SAMD12: variants seen among roughly 807,000 people sequenced by gnomAD.
The protein encoded by SAMD12 is sterile alpha motif domain containing 12.
In SAMD12, 9 loss-of-function variants were observed where a neutral mutation model predicts 15.0. The ratio of observed to expected loss-of-function variants is 0.60; its 90% confidence interval spans 0.36 to 1.05. The LOEUF is 1.05. SAMD12 is among the 50% of genes least tolerant of loss of function. The probability of loss-of-function intolerance (pLI) is 0.01; values close to 1 mark genes in which losing one functional copy is unlikely to be tolerated. For missense variants in SAMD12, 230 were observed against 234.2 expected (o/e 0.98, Z 0.12); for synonymous variants, 86 against 90.1 (o/e 0.96, Z 0.25).
chr8:118,572,393 G>C (rs1389830177), intron 2 of SAMD12, among the ~76,000 whole-genome samples: 2 of 152,170 alleles, frequency 1.3e-5, no homozygotes, highest in Non-Finnish European at 2.9e-5. Flanking sequence ...TGTTGGGAAG[G>C]CATGATTGGT....
chr8:118,440,688 ACACACACAAAC>A (rs1563861820), intron 2 of SAMD12, among the ~76,000 whole-genome samples: 17 of 147,510 alleles, frequency 1.2e-4, no homozygotes, highest in African/African-American at 3.6e-4. Flanking sequence ...ACACACACAC[ACACACACAAAC>A]ACACACACAC....
intron 1 of SAMD12, among the ~76,000 whole-genome samples, chr8:118,605,211 T>C (rs982632827): frequency 6.6e-6 from 1 of 152,214 alleles, no homozygotes; most frequent in Admixed American, 6.5e-5. Context: ...GGATGATACC[T>C]TTTCAAACTT....
intron 4 of SAMD12, among the ~76,000 whole-genome samples, chr8:118,332,751 G>C (rs567505265): frequency 2.7e-4 from 41 of 152,204 alleles, no homozygotes; most frequent in Admixed American, 5.2e-4. Flanking sequence ...TCTCTACTTC[G>C]GTCTTAGCCC....
chr8:118,428,722 C>T (rs992857129), intron 3 of SAMD12, among the ~76,000 whole-genome samples: 14 of 151,822 alleles, frequency 9.2e-5, no homozygotes, highest in Non-Finnish European at 1.6e-4. Context: ...TGCTTTGGTA[C>T]AATTTTTGAA....
intron 3 of SAMD12, among the ~76,000 whole-genome samples, chr8:118,399,336 TG>T (rs1820755776): frequency 6.6e-6 from 1 of 152,102 alleles, no homozygotes; most frequent in Non-Finnish European, 1.5e-5. Flanking sequence ...TTCTAATGAT[TG>T]GTATGGACTT....
At chr8:118,498,240 G>T (rs1824683049) in intron 2 of SAMD12, among the ~76,000 whole-genome samples, 2 of 152,164 alleles carry the variant, frequency 1.3e-5, no homozygotes, top group African/African-American at 4.8e-5. Flanking sequence ...CACAGGAACA[G>T]TCTCAGCTTA....
intron 2 of SAMD12, among the ~76,000 whole-genome samples, chr8:118,453,379 T>A (rs913628694): frequency 6.6e-6 from 1 of 152,224 alleles, no homozygotes; most frequent in African/African-American, 2.4e-5. Context: ...CAGTGTCATA[T>A]CCACTAACAA....
chr8:118,186,427 G>T (rs192073342), downstream of SAMD12, among the ~76,000 whole-genome samples: 1 of 152,124 alleles, frequency 6.6e-6, no homozygotes, highest in Admixed American at 6.6e-5. Context: ...TTGGCACACA[G>T]GACAAATGGC....
At chr8:118,279,935 C>A (rs11562784) in intron 4 of SAMD12, among the ~76,000 whole-genome samples, 9 of 152,140 alleles carry the variant, frequency 5.9e-5, no homozygotes, top group Non-Finnish European at 1.2e-4. Flanking sequence ...AAACACAGGA[C>A]GCACATGCCC....
intron 2 of SAMD12, among the ~76,000 whole-genome samples, chr8:118,518,695 T>C (rs1825312559): frequency 6.6e-6 from 1 of 152,050 alleles, no homozygotes; most frequent in South Asian, 2.1e-4. Flanking sequence ...GGAATAAGCT[T>C]TTCACACCCT....
intron 4 of SAMD12, among the ~76,000 whole-genome samples, chr8:118,327,420 A>G (rs1816617522): frequency 6.6e-6 from 1 of 152,216 alleles, no homozygotes; most frequent in Non-Finnish European, 1.5e-5. Flanking sequence ...AGCATAAGAC[A>G]TAGTATCCCC....
chr8:118,555,713 A>G (rs1054377741), intron 2 of SAMD12, among the ~76,000 whole-genome samples: 6 of 152,232 alleles, frequency 3.9e-5, no homozygotes, highest in African/African-American at 1.4e-4. Flanking sequence ...AATAATCTGT[A>G]GTGCCAATGA....
At chr8:118,310,894 C>A (rs902308541) in intron 4 of SAMD12, among the ~76,000 whole-genome samples, 5 of 152,186 alleles carry the variant, frequency 3.3e-5, no homozygotes, top group Admixed American at 3.3e-4. Context: ...TTGTTGAGGG[C>A]AGGGTCTGTA....
chr8:118,201,989 C>T (rs542481357), intron 4 of SAMD12, among the ~76,000 whole-genome samples: 1 of 152,334 alleles, frequency 6.6e-6, no homozygotes, highest in Non-Finnish European at 1.5e-5. Context: ...AGCATGGGCT[C>T]TGGCAGATAT....
rs1216129253 is a variant in SAMD12, at chr8:118,378,945, A to G, written c.*472T>C. 8.5e-6 allele frequency: 8 copies of G among 942,504 alleles called. No individual in the cohort carries two copies. Among genetic ancestry groups the G allele is most frequent in the Admixed American group, 5.7e-5 (1 of 17,650 alleles). 58.4% of individuals were successfully genotyped at this position (942,504 alleles called of 1,614,324 possible). A position where few individuals can be genotyped will look rare whatever the true frequency, so the allele number is the denominator to read the frequency against. On this transcript the variant is annotated 3_prime_UTR_variant, in exon 4 of 4. Transcript: ENST00000314727. ...TTAACAGTGTAGTTTTAGATTCACT[A>G]TAGTCTATTATAAAAATTATTCCAC...
At chr8:118,149,781 A>T in the SAMD12 span, among the ~76,000 whole-genome samples, 1 of 151,848 alleles carries the variant, frequency 6.6e-6, no homozygotes, top group Admixed American at 6.6e-5. Flanking sequence ...TATTTTTTTA[A>T]TTTTTTTGCA....
Position 118,378,793 on chromosome 8 carries a change from A to ACATATAG in SAMD12, c.*617_*623dup. The ACATATAG allele has an allele frequency of 1.0e-6, 1 of 985,038 alleles. No homozygotes were observed. Among genetic ancestry groups the ACATATAG allele is most frequent in the Non-Finnish European group, 1.2e-6 (1 of 829,548 alleles). 61.0% of individuals were successfully genotyped at this position (985,038 alleles called of 1,614,324 possible). ...CAAATCTCATGTAGACATATCAGTT[A>ACATATAG]CATATAGTGTAACTTAAGGCTTTCT... On this transcript the variant is annotated 3_prime_UTR_variant, in exon 4 of 4. Transcript: ENST00000314727.
chr8:118,493,078 G>C (rs1171557118), intron 2 of SAMD12, among the ~76,000 whole-genome samples: 1 of 152,144 alleles, frequency 6.6e-6, no homozygotes, highest in East Asian at 1.9e-4. Flanking sequence ...CCAGTGATTT[G>C]TTAGAAGTCA....
chr8:118,412,263 AT>A (rs1412787804), intron 3 of SAMD12, among the ~76,000 whole-genome samples: 1 of 152,156 alleles, frequency 6.6e-6, no homozygotes, highest in East Asian at 1.9e-4. Flanking sequence ...GTTCACTGAT[AT>A]TCAGATTGAG....
Sources: allele counts gnomAD v4.1 joint callset (sites outside exome capture counted in the v4.1 genomes callset), GRCh38; gene constraint gnomAD v4.1.1; transcripts MANE v1.5; gene names NCBI Gene and HGNC (gene_info 2026-07-23, HGNC 2026-07-21).